Variants in ACYP2 observed in about 807,000 individuals in gnomAD.
ACYP2 encodes acylphosphatase-2.
Under a neutral mutation model 11.2 loss-of-function variants are expected in ACYP2, and 12 were observed. That is an observed-to-expected ratio of 1.08 (90% confidence interval 0.69 to 1.74). The LOEUF is 1.74. Ranked by LOEUF, ACYP2 falls within the 40% of genes most tolerant of loss-of-function variation. ACYP2 has a pLI of 0.00. For synonymous variants in ACYP2, 43 were observed against 32.2 expected, an observed-to-expected ratio of 1.33 and a Z score of -1.13; for missense variants, 134 against 101.9, an observed-to-expected ratio of 1.31 and a Z score of -1.35.
chr2:54,173,078 T>C lies in ACYP2; in HGVS notation c.404+34330T>C, dbSNP rs144460297. 1.5e-3 allele frequency among the ~76,000 whole-genome samples: 236 copies of C among 152,350 alleles called. 1 individual carries two copies. The highest frequency in any genetic ancestry group is 1.4e-3 in the Non-Finnish European group (97 of 68,032). On this transcript the variant is annotated intron_variant, in intron 6 of 6. Transcript: ENST00000607452. ...TATATACCCAGTAATGGGATCGTTATGTCAAATGGTATTTCTACTTCCAGG... is the reference window on the plus strand; with the variant it reads ...TATATACCCAGTAATGGGATCGTTACGTCAAATGGTATTTCTACTTCCAGG...
chr2:54,017,272 C>CTTTTCT (rs764249106), intron 2 of ACYP2, among the ~76,000 whole-genome samples: 18,192 of 123,102 alleles, frequency 0.15, 1,576 homozygotes, highest in African/African-American at 0.19. Context: ...CTTTTCTTTT[C>CTTTTCT]TTTTTTTTTT....
chr2:54,209,051 T>C (rs938782360), intron 6 of ACYP2, among the ~76,000 whole-genome samples: 13 of 151,992 alleles, frequency 8.6e-5, no homozygotes, highest in African/African-American at 2.9e-4. Flanking sequence ...TCATCAGTTC[T>C]TAAGAATGAA....
intron 6 of ACYP2, chr2:54,254,009 C>G (rs189527826): frequency 6.6e-6 from 1 of 152,290 alleles, no homozygotes; most frequent in Non-Finnish European, 1.5e-5. Context: ...TACACTCACT[C>G]TGGCACTTCA....
At chr2:54,226,503 T>C (rs759553230) in intron 6 of ACYP2, among the ~76,000 whole-genome samples, 15 of 152,218 alleles carry the variant, frequency 9.9e-5, no homozygotes, top group Admixed American at 2.6e-4. Context: ...AAAGAAGTGT[T>C]AATGTTAAGC....
intron 6 of ACYP2, among the ~76,000 whole-genome samples, chr2:54,173,064 T>C (rs2103853366): frequency 6.6e-6 from 1 of 152,370 alleles, no homozygotes; most frequent in East Asian, 1.9e-4. Context: ...ATATACCCAG[T>C]AATGGGATCG....
At chr2:54,266,918 A>T (rs981532144) in intron 6 of ACYP2, among the ~76,000 whole-genome samples, 6 of 152,090 alleles carry the variant, frequency 3.9e-5, no homozygotes, top group Admixed American at 3.3e-4. Context: ...CGAGGTGCAG[A>T]AATGTTAATT....
chr2:54,028,594 A>G (rs7556936), intron 2 of ACYP2, among the ~76,000 whole-genome samples: 14,618 of 152,234 alleles, frequency 0.096, 953 homozygotes, highest in African/African-American at 0.18. Flanking sequence ...AGAAAGACTG[A>G]AGTCTGTCAA....
At chr2:54,230,461 A>T (rs1686183301) in intron 6 of ACYP2, among the ~76,000 whole-genome samples, 1 of 152,002 alleles carries the variant, frequency 6.6e-6, no homozygotes, top group South Asian at 2.1e-4. Flanking sequence ...GGTTCAAGCA[A>T]TTCTCCTGCC....
chr2:54,115,558 C>T, intron 4 of ACYP2, 57 bp from the exon 1 acceptor site: 8 of 1,524,144 alleles, frequency 5.2e-6, no homozygotes, highest in South Asian at 3.7e-5. Context: ...CGACGCGTGA[C>T]CCCGGCGCGC....
At chr2:54,115,894 C>CGGCG in intron 4 of ACYP2, 138 bp downstream of exon 1, 2 of 1,152,878 alleles carry the variant, frequency 1.7e-6, no homozygotes, top group African/African-American at 2.3e-5. Context: ...ACAGCAGCGG[C>CGGCG]GGCGGGGAGG....
chr2:53,994,254 C>T lies in ACYP2; in HGVS notation c.62+20444C>T, dbSNP rs185260411. ...CTGAGGCAGGAGAATGGCCTGAACC[C>T]AGGAGGCGGAGCTTGCAGTGAGCAG... On this transcript the variant is annotated intron_variant, in intron 2 of 6. Transcript: ENST00000607452. Among the ~76,000 whole-genome samples the T allele has an allele frequency of 3.5e-3, 508 of 146,002 alleles. 5 individuals carry two copies. The highest frequency in any genetic ancestry group is 0.012 in the African/African-American group (475 of 39,330).
At chr2:54,241,807 G>A (rs1242695503) in intron 6 of ACYP2, among the ~76,000 whole-genome samples, 1 of 152,188 alleles carries the variant, frequency 6.6e-6, no homozygotes, top group Non-Finnish European at 1.5e-5. Context: ...GAGGTCAGGA[G>A]TTCAGGACCA....
rs570091985 is a variant in ACYP2, at chr2:54,051,348, G to A, written c.155+298G>A. ...TCAGAGTTTTTAAGAAGTGCTCAGA[G>A]AGGTGGAAGACCATGTCTGCTAAAG... On this transcript the variant is annotated intron_variant, in intron 3 of 6. Transcript: ENST00000607452. 7 of 762,484 alleles carry A rather than the reference G, an allele frequency of 9.2e-6. No homozygotes were observed. The South Asian group carries it at 9.4e-5, about 10-fold the overall frequency. 47.2% of individuals were successfully genotyped at this position (762,484 alleles called of 1,614,324 possible). A position where few individuals can be genotyped will look rare whatever the true frequency, so the allele number is the denominator to read the frequency against.
At chr2:54,094,863 TA>T (rs1678432039) in intron 4 of ACYP2, among the ~76,000 whole-genome samples, 1 of 152,178 alleles carries the variant, frequency 6.6e-6, no homozygotes, top group African/African-American at 2.4e-5. Context: ...ATTTTATTAT[TA>T]TTTTTTAATC....
intron 6 of ACYP2, among the ~76,000 whole-genome samples, chr2:54,280,605 A>AG (rs1230512193): frequency 6.6e-6 from 1 of 152,186 alleles, no homozygotes; most frequent in Non-Finnish European, 1.5e-5. Flanking sequence ...GGGAGGCAAA[A>AG]GGGTAGTGTC....
chr2:54,279,277 G>T (rs1688743699), intron 6 of ACYP2, among the ~76,000 whole-genome samples: 1 of 152,112 alleles, frequency 6.6e-6, no homozygotes, highest in Non-Finnish European at 1.5e-5. Context: ...CTGGAATACT[G>T]CCAGGCTTAT....
At chr2:54,159,924 G>T (rs1203456048) in intron 6 of ACYP2, among the ~76,000 whole-genome samples, 1 of 152,114 alleles carries the variant, frequency 6.6e-6, no homozygotes, top group Non-Finnish European at 1.5e-5. Flanking sequence ...ACGCCTTGCT[G>T]ATTGCTCCCC....
In ACYP2 at chr2:54,037,422, T is replaced by C. The variant is rs1405959358; in HGVS notation, c.63-13536T>C. ...AAGCCACCATACCAAGCTTGTTTTGTTTTTTTGAGACAGAGTCTTGCTCTG... is the reference window on the plus strand; with the variant it reads ...AAGCCACCATACCAAGCTTGTTTTGCTTTTTTGAGACAGAGTCTTGCTCTG... On this transcript the variant is annotated intron_variant, in intron 2 of 6. Coordinates refer to ENST00000607452, the MANE Select transcript of ACYP2 (RefSeq NM_001320586.2). 2.6e-5 allele frequency among the ~76,000 whole-genome samples: 4 copies of C among 151,068 alleles called. No homozygotes were observed. The East Asian group carries it at 7.8e-4, about 30-fold the overall frequency.
chr2:54,058,494 A>G (rs542227802), intron 4 of ACYP2, among the ~76,000 whole-genome samples: 11 of 152,176 alleles, frequency 7.2e-5, no homozygotes, highest in Non-Finnish European at 1.5e-4. Flanking sequence ...TCATTCTAAT[A>G]TAATTCTAAC....
Sources: gnomAD v4.1 joint callset for allele counts (sites outside exome capture counted in the v4.1 genomes callset) on GRCh38, gnomAD v4.1.1 for gene constraint, MANE v1.5 for transcripts, NCBI Gene and HGNC (gene_info 2026-07-23, HGNC 2026-07-21) for gene names.